Variants in OR2L13 observed in about 807,000 individuals in gnomAD.
OR2L13 encodes olfactory receptor family 2 subfamily L member 13.
OR2L13 carries 14 observed loss-of-function variants against 15.3 expected under a neutral mutation model. The ratio of observed to expected loss-of-function variants is 0.91; its 90% CI spans 0.60 to 1.43. The LOEUF (loss-of-function observed/expected upper bound fraction) is 1.43. OR2L13 is among the 40% of genes most tolerant of loss of function. OR2L13 has a pLI of 0.00. For synonymous variants in OR2L13, 152 were observed against 142.9 expected, an observed-to-expected ratio of 1.06 and a Z score of -0.45; for missense variants, 367 against 387.9, an observed-to-expected ratio of 0.95 and a Z score of 0.45.
intron 1 of OR2L13, chr1:248,097,403 C>A (rs1340872421): frequency 6.6e-6 from 1 of 152,126 alleles, no homozygotes; most frequent in Non-Finnish European, 1.5e-5. Context: ...AAATAAGGTC[C>A]CATGTCTAAC....
At chr1:248,065,792 C>T in the OR2L13 span, among the ~76,000 whole-genome samples, 144 of 152,060 alleles carry the variant, frequency 9.5e-4, no homozygotes, top group African/African-American at 3.4e-3. Context: ...AATTACATGC[C>T]ATCCACAAAT....
chr1:248,039,011 C>T, the OR2L13 span: 16 of 1,613,930 alleles, frequency 9.9e-6, no homozygotes, highest in Admixed American at 2.3e-4. Flanking sequence ...CTGTAGTGTC[C>T]TTCTACTATG....
chr1:248,069,079 A>G, the OR2L13 span, among the ~76,000 whole-genome samples: 2 of 152,198 alleles, frequency 1.3e-5, no homozygotes, highest in South Asian at 2.1e-4. Context: ...AACTTCCCCA[A>G]TCTAGCAAGG....
the OR2L13 span, chr1:248,041,855 AAAC>A: frequency 6.6e-6 from 1 of 152,200 alleles, no homozygotes; most frequent in South Asian, 2.1e-4. Flanking sequence ...AAACGTCAGG[AAAC>A]AACAGGTGCT....
the OR2L13 span, chr1:247,975,662 C>T: frequency 9.2e-7 from 1 of 1,089,046 alleles, no homozygotes; most frequent in South Asian, 1.3e-5. Context: ...AAGATGAAGA[C>T]AAACTTTCTG....
chr1:248,088,313 G>T, the OR2L13 span, among the ~76,000 whole-genome samples: 10 of 151,888 alleles, frequency 6.6e-5, no homozygotes, highest in African/African-American at 2.4e-4. Context: ...GGGCCCCAAT[G>T]CTTGGATAGC....
the OR2L13 span, among the ~76,000 whole-genome samples, chr1:248,018,152 C>A: frequency 2.3e-4 from 32 of 139,902 alleles, no homozygotes; most frequent in East Asian, 4.0e-4. Flanking sequence ...GACTCCATCT[C>A]AAAAAAATAA....
chr1:247,994,265 C>T, the OR2L13 span, among the ~76,000 whole-genome samples: 15 of 152,092 alleles, frequency 9.9e-5, no homozygotes, highest in South Asian at 2.1e-4. Context: ...GGCGTGGTGG[C>T]GGGCGCCTGT....
the OR2L13 span, among the ~76,000 whole-genome samples, chr1:247,979,812 T>C: frequency 6.6e-6 from 1 of 152,164 alleles, no homozygotes; most frequent in Non-Finnish European, 1.5e-5. Flanking sequence ...ATGTGGCATC[T>C]ACTGTTATGT....
the OR2L13 span, among the ~76,000 whole-genome samples, chr1:247,956,225 G>A: frequency 5.3e-5 from 8 of 151,810 alleles, no homozygotes; most frequent in Admixed American, 1.3e-4. Context: ...GCTTGTTTTT[G>A]TCAGGATTGT....
At chr1:248,086,835 TTTTA>T in the OR2L13 span, among the ~76,000 whole-genome samples, 3 of 151,232 alleles carry the variant, frequency 2.0e-5, no homozygotes, top group Non-Finnish European at 4.4e-5. Flanking sequence ...ATATATATCT[TTTTA>T]TTTATTTTTC....
the OR2L13 span, among the ~76,000 whole-genome samples, chr1:247,995,715 G>C: frequency 6.6e-6 from 1 of 151,970 alleles, no homozygotes; most frequent in Non-Finnish European, 1.5e-5. Flanking sequence ...AATTCCTCTA[G>C]CATTTATTTT....
chr1:248,075,067 C>A, the OR2L13 span, among the ~76,000 whole-genome samples: 1 of 152,144 alleles, frequency 6.6e-6, no homozygotes, highest in Non-Finnish European at 1.5e-5. Context: ...GTTCCCCACC[C>A]TGTGTCCAAG....
At chr1:247,959,868 T>C in the OR2L13 span, among the ~76,000 whole-genome samples, 2 of 152,196 alleles carry the variant, frequency 1.3e-5, no homozygotes, top group Non-Finnish European at 2.9e-5. Flanking sequence ...GGTTTTTAAC[T>C]TCTTTGCAAT....
the OR2L13 span, chr1:247,965,433 A>G: frequency 5.6e-6 from 9 of 1,613,556 alleles, no homozygotes; most frequent in Admixed American, 3.3e-5. Context: ...GTCTTTTCCA[A>G]TATGGCTGGA....
the OR2L13 span, among the ~76,000 whole-genome samples, chr1:248,004,771 G>A: frequency 1.3e-5 from 2 of 152,100 alleles, no homozygotes; most frequent in Non-Finnish European, 2.9e-5. Flanking sequence ...AGTTGATTTT[G>A]GTATGGTATA....
the OR2L13 span, chr1:247,965,722 G>A: frequency 1.3e-6 from 2 of 1,555,762 alleles, no homozygotes; most frequent in African/African-American, 1.4e-5. Flanking sequence ...CCTTCTCCTT[G>A]GTTTTATGTC....
the OR2L13 span, among the ~76,000 whole-genome samples, chr1:248,088,321 A>G: frequency 6.6e-6 from 1 of 152,146 alleles, no homozygotes; most frequent in African/African-American, 2.4e-5. Flanking sequence ...ATGCTTGGAT[A>G]GCCTATAAAC....
chr1:248,034,172 A>G, the OR2L13 span, among the ~76,000 whole-genome samples: 1 of 152,208 alleles, frequency 6.6e-6, no homozygotes, highest in East Asian at 1.9e-4. Flanking sequence ...AAACAAACCT[A>G]TGGAAACACG....
Sources: allele counts gnomAD v4.1 joint callset (sites outside exome capture counted in the v4.1 genomes callset), GRCh38; gene constraint gnomAD v4.1.1; transcripts MANE v1.5; gene names NCBI Gene and HGNC (gene_info 2026-07-23, HGNC 2026-07-21).